Variants in RBMS3 observed in about 807,000 individuals in gnomAD.
RBMS3 encodes RNA-binding motif, single-stranded-interacting protein 3.
RBMS3 carries 27 observed loss-of-function variants against 66.8 expected under a neutral mutation model. That is an observed-to-expected ratio of 0.40 (90% CI 0.30 to 0.56). The LOEUF (loss-of-function observed/expected upper bound fraction) is 0.56, where lower values mean the gene tolerates loss of function less well. Among genes scored for constraint, RBMS3 ranks in the 20% least tolerant of loss-of-function variants. RBMS3 has a pLI of 0.40. For synonymous variants in RBMS3, 188 were observed against 183.0 expected, an observed-to-expected ratio of 1.03 and a Z score of -0.22; for missense variants, 513 against 549.5, an observed-to-expected ratio of 0.93 and a Z score of 0.66.
chr3:29,544,247 T>G (rs1162227969), intron 3 of RBMS3, among the ~76,000 whole-genome samples: 4 of 152,148 alleles, frequency 2.6e-5, no homozygotes, highest in African/African-American at 9.6e-5. Flanking sequence ...ATGTAATGAA[T>G]AAAGTAATAG....
chr3:29,373,703 G>A (rs1331380156), intron 1 of RBMS3, among the ~76,000 whole-genome samples: 1 of 152,178 alleles, frequency 6.6e-6, no homozygotes, highest in Non-Finnish European at 1.5e-5. Flanking sequence ...AAAGCATCTT[G>A]TCATTTAGAA....
At chr3:29,286,192 A>G (rs1455005847) in intron 1 of RBMS3, among the ~76,000 whole-genome samples, 1 of 152,136 alleles carries the variant, frequency 6.6e-6, no homozygotes, top group Non-Finnish European at 1.5e-5. Context: ...ATAGCATGAA[A>G]CTATGATAAA....
At chr3:29,328,226 A>C (rs1302942124) in intron 1 of RBMS3, among the ~76,000 whole-genome samples, 2 of 152,208 alleles carry the variant, frequency 1.3e-5, no homozygotes, top group Non-Finnish European at 2.9e-5. Context: ...AGATTTTAAA[A>C]TTTAGAAAAT....
intron 1 of RBMS3, among the ~76,000 whole-genome samples, chr3:29,316,777 A>G (rs1178613689): frequency 6.6e-6 from 1 of 151,684 alleles, no homozygotes; most frequent in South Asian, 2.1e-4. Flanking sequence ...TCCGGACTAT[A>G]TACTTCTTGG....
At chr3:29,498,963 C>G (rs1383955589) in intron 3 of RBMS3, among the ~76,000 whole-genome samples, 1 of 151,922 alleles carries the variant, frequency 6.6e-6, no homozygotes, top group Non-Finnish European at 1.5e-5. Context: ...TGAAAGATAC[C>G]TTTTGGTGTT....
chr3:29,284,395 G>A (rs1424518187), intron 1 of RBMS3, among the ~76,000 whole-genome samples: 2 of 151,994 alleles, frequency 1.3e-5, no homozygotes, highest in Non-Finnish European at 2.9e-5. Context: ...GGATTTTAAA[G>A]GATTGAAATG....
chr3:29,393,373 G>A (rs374602546), intron 1 of RBMS3, among the ~76,000 whole-genome samples: 4 of 152,156 alleles, frequency 2.6e-5, no homozygotes, highest in African/African-American at 9.7e-5. Flanking sequence ...GTACAGTGTT[G>A]AAGAATTAAA....
chr3:29,387,084 T>G (rs979433819), intron 1 of RBMS3, among the ~76,000 whole-genome samples: 4 of 152,230 alleles, frequency 2.6e-5, no homozygotes, highest in African/African-American at 9.6e-5. Context: ...TTCTGGCGCT[T>G]AGTCCTTGGA....
chr3:29,337,597 GAT>G (rs2036029800), intron 1 of RBMS3, among the ~76,000 whole-genome samples: 1 of 152,056 alleles, frequency 6.6e-6, no homozygotes, highest in Admixed American at 6.6e-5. Context: ...TGTGGGCTAT[GAT>G]CATGCTGCTG....
Position 29,576,414 on chromosome 3 carries a change from A to T in RBMS3, c.308-10700A>T, listed in dbSNP as rs536400849. Among the ~76,000 whole-genome samples the T allele has an allele frequency of 2.4e-4, 36 of 152,192 alleles. 1 individual carries two copies. Among genetic ancestry groups the T allele is most frequent in the African/African-American group, 8.4e-4 (35 of 41,522 alleles). On this transcript the variant is annotated intron_variant, in intron 3 of 14. Transcript: ENST00000383767. The stretch of plus-strand genomic sequence containing the variant: ...GGTTCCTGTGGCTGCCATCAATGTG[A>T]CTGCTGGATCAGACCTGAAACCTGC...
At chr3:29,420,625 T>G (rs7640471) in intron 1 of RBMS3, among the ~76,000 whole-genome samples, 6,309 of 115,156 alleles carry the variant, frequency 0.055, 210 homozygotes, top group East Asian at 0.21. Context: ...TTTTCCCTTG[T>G]TTTTTTTTTC....
At chr3:29,286,935 A>C (rs1249994868) in intron 1 of RBMS3, among the ~76,000 whole-genome samples, 3 of 152,124 alleles carry the variant, frequency 2.0e-5, no homozygotes, top group African/African-American at 4.8e-5. Context: ...TACTACATTG[A>C]AATTGTTTTG....
In RBMS3 at chr3:29,591,305, C is replaced by T. The variant is rs142779768; in HGVS notation, c.399+4100C>T. Among the ~76,000 whole-genome samples the T allele has an allele frequency of 3.9e-5, 6 of 152,312 alleles. No individual in the cohort carries two copies. In the East Asian group the frequency reaches 1.2e-3, roughly 29 times the overall value. On this transcript the variant is annotated intron_variant, in intron 4 of 14. Transcript: ENST00000383767. ...ATCTCCAACAGGCCCATGGCTCCTCCTCATAGCTCAGCAAGTCATACCTTT... is the reference window on the plus strand; with the variant it reads ...ATCTCCAACAGGCCCATGGCTCCTCTTCATAGCTCAGCAAGTCATACCTTT...
chr3:29,473,313 A>C (rs2042813586), intron 2 of RBMS3, among the ~76,000 whole-genome samples: 2 of 152,196 alleles, frequency 1.3e-5, no homozygotes, highest in African/African-American at 4.8e-5. Context: ...CCTTAGCTAG[A>C]CATAAAGGTT....
intron 1 of RBMS3, among the ~76,000 whole-genome samples, chr3:29,410,729 A>T (rs145724339): frequency 6.6e-6 from 1 of 152,342 alleles, no homozygotes; most frequent in African/African-American, 2.4e-5. Context: ...AGAAAATGGA[A>T]CATGATGAGC....
chr3:30,001,036 A>C (rs1699584911), intron 14 of RBMS3, among the ~76,000 whole-genome samples: 1 of 132,994 alleles, frequency 7.5e-6, no homozygotes, highest in Admixed American at 8.0e-5. Context: ...CTTAAAGTAT[A>C]ATAAAAAAAA....
At chr3:29,887,001 T>A (rs1298535031) in intron 8 of RBMS3, among the ~76,000 whole-genome samples, 1 of 151,790 alleles carries the variant, frequency 6.6e-6, no homozygotes, top group Non-Finnish European at 1.5e-5. Context: ...CACCCAGTCT[T>A]TACTCATCTA....
intron 1 of RBMS3, among the ~76,000 whole-genome samples, chr3:29,386,634 A>G (rs1327444598): frequency 2.0e-5 from 3 of 152,146 alleles, no homozygotes. Flanking sequence ...CAACTGAATT[A>G]TTTCTACCAG....
At chr3:29,448,984 G>A (rs1321596286) in intron 2 of RBMS3, among the ~76,000 whole-genome samples, 2 of 152,082 alleles carry the variant, frequency 1.3e-5, no homozygotes, top group African/African-American at 2.4e-5. Context: ...AAACACTTAA[G>A]TTGTTGAACT....
Sources: allele counts gnomAD v4.1 joint callset (sites outside exome capture counted in the v4.1 genomes callset), GRCh38; gene constraint gnomAD v4.1.1; transcripts MANE v1.5; gene names NCBI Gene and HGNC (gene_info 2026-07-23, HGNC 2026-07-21).